NAA80: variants seen among roughly 807,000 people sequenced by gnomAD.
The protein encoded by NAA80 is N-alpha-acetyltransferase 80, NatH catalytic subunit.
Under a neutral mutation model 8.7 loss-of-function variants are expected in NAA80, and 5 were observed. That is an observed-to-expected ratio of 0.58 (90% CI 0.30 to 1.21). The LOEUF (loss-of-function observed/expected upper bound fraction) is 1.21. NAA80 is among the 50% of genes most tolerant of loss of function. The probability of loss-of-function intolerance (pLI) is 0.07; values close to 1 mark genes in which losing one functional copy is unlikely to be tolerated. For synonymous variants in NAA80, 149 were observed against 156.6 expected (o/e 0.95, Z 0.36); for missense variants, 360 against 368.6 (o/e 0.98, Z 0.19).
Position 50,297,275 on chromosome 3 carries a change from C to T in NAA80, c.189G>A (p.Glu63=). The change falls in exon 2 of 2, where the codon GAG becomes GAA. Residue 63 remains glutamate (E), a synonymous_variant. Coordinates refer to ENST00000443094, the MANE Select transcript of NAA80 (RefSeq NM_001200016.2). This position sits in a 1 kb window ranked among gnomAD's most constrained non-coding sequence, Gnocchi z 4.3. ...PAPSLAELTL[E]PVHRRPELLD... is the part of the protein sequence containing the mutation. ...GGAGCTCGGGTCGGCGGTGCACAGG[C>T]TCCAGGGTCAACTCAGCCAGGCTAG... 5 of 1,606,800 alleles carry T rather than the reference C, an allele frequency of 3.1e-6. No homozygotes were observed. Among genetic ancestry groups the T allele is most frequent in the Non-Finnish European group, 4.3e-6 (5 of 1,175,256 alleles).
rs782356090 is a variant in NAA80, at chr3:50,297,067, G to C, written c.397C>G (p.Pro133Ala). ...ACTGTCTCCACTAAGAGGCTCTGGG[G>C]CTGGTTCAGCACCCGTGACAGGCGG... ...HARLSRVLNQ[P>A]QSLLVETVVV... Residue 133 changes from proline to alanine, a missense_variant, in exon 2 of 2, where the codon CCC becomes GCC. Coordinates refer to ENST00000443094, the MANE Select transcript of NAA80 (RefSeq NM_001200016.2). This position sits in a 1 kb window ranked among gnomAD's most constrained non-coding sequence, Gnocchi z 4.3. 3.4e-5 allele frequency: 52 copies of C among 1,535,840 alleles called. No homozygotes were observed. Among genetic ancestry groups the C allele is most frequent in the Non-Finnish European group, 4.5e-5 (52 of 1,143,110 alleles).
At chr3:50,298,826 T>C in intron 1 of NAA80, 2 of 1,185,998 alleles carry the variant, frequency 1.7e-6, no homozygotes, top group Non-Finnish European at 2.1e-6. Context: ...CTCACCTGCA[T>C]CAGCCACCTC....
intron 1 of NAA80, 192 bp downstream of exon 1, chr3:50,299,021 T>C (rs1239628304): frequency 1.5e-5 from 23 of 1,505,686 alleles, no homozygotes; most frequent in Non-Finnish European, 1.8e-5. Context: ...CCCTCCCTCC[T>C]AGTGGGTCAC....
Position 50,296,897 on chromosome 3 carries a change from C to G in NAA80, c.567G>C (p.Gln189His). ...CCAGGCCCTGCACAGGCTCACCCAG[C>G]TGGTAGCCCAGGTGGGTATAGAAGT... ...QVHFYTHLGY[Q>H]LGEPVQGLVF... is the part of the protein sequence containing the mutation. Residue 189 changes from glutamine (Q) to histidine (H), a missense_variant, in exon 2 of 2, where the codon CAG (glutamine) becomes CAC (histidine). Transcript: ENST00000443094. 6.2e-7 allele frequency: 1 copy of G among 1,608,688 alleles called. No individual in the cohort carries two copies. Among genetic ancestry groups the G allele is most frequent in the Non-Finnish European group, 8.5e-7 (1 of 1,178,220 alleles).
At position 50,297,104 on chromosome 3, in the gene NAA80, C is replaced by T. The variant is rs782052987; in HGVS notation, c.360G>A (p.Val120=). ...PHPTLEAAPV[V]VGHARLSRVL... is the part of the protein sequence containing the mutation. ...CCCGTGACAGGCGGGCATGGCCCAC[C>T]ACAACGGGTGCTGCTTCAAGTGTGG... Residue 120 remains valine, a synonymous_variant, in exon 2 of 2, where the codon GTG becomes GTA. Transcript: ENST00000443094. The surrounding 1 kb of genome is among the most constrained non-coding windows in gnomAD (Gnocchi z 4.3). 3 of 1,551,866 alleles carry T rather than the reference C, an allele frequency of 1.9e-6. No individual in the cohort carries two copies. Among genetic ancestry groups the T allele is most frequent in the African/African-American group, 2.7e-5 (2 of 73,138 alleles).
chr3:50,297,733 G>A lies in NAA80; in HGVS notation c.-209-61C>T. ...GGAGGGTGGGGTTGGAGCAGGGAAGGGCTGACAGAGTGCAGGGGGGACCAT... is the reference window on the plus strand; with the variant it reads ...GGAGGGTGGGGTTGGAGCAGGGAAGAGCTGACAGAGTGCAGGGGGGACCAT... On this transcript the variant is annotated intron_variant, in intron 1 of 1. Transcript: ENST00000443094. This position sits in a 1 kb window ranked among gnomAD's most constrained non-coding sequence, Gnocchi z 4.3. 7.4e-7 allele frequency: 1 copy of A among 1,357,540 alleles called. No individual in the cohort carries two copies. Among genetic ancestry groups the A allele is most frequent in the Non-Finnish European group, 9.4e-7 (1 of 1,059,314 alleles). 84.1% of individuals were successfully genotyped at this position (1,357,540 alleles called of 1,614,324 possible). A position where few individuals can be genotyped will look rare whatever the true frequency, so the allele number is the denominator to read the frequency against.
chr3:50,299,374 A>C lies in NAA80; in HGVS notation c.-371T>G. On this transcript the variant is annotated 5_prime_UTR_variant, in exon 1 of 2. Coordinates refer to ENST00000443094, the MANE Select transcript of NAA80 (RefSeq NM_001200016.2). ...TCCTGCGGCACGCCACGGCGTTCTA[A>C]GGCCTCCCAGCACCCGCGCGTCGCC... The C allele has an allele frequency of 6.7e-7, 1 of 1,491,884 alleles. No homozygotes were observed. The highest frequency in any genetic ancestry group is 1.2e-5 in the South Asian group (1 of 83,546). 92.4% of individuals were successfully genotyped at this position (1,491,884 alleles called of 1,614,324 possible).
rs1480369420 is a variant in NAA80 at position 50,297,220 on chromosome 3, G to C, written c.244C>G (p.Gln82Glu). ...LDACADLIND[Q>E]WPRSRTSRLH... ...CGGGAGGTGCGGCTGCGGGGCCACT[G>C]ATCATTGATGAGGTCAGCACAAGCA... The change falls in exon 2 of 2, where the codon CAG (glutamine) becomes GAG (glutamate). Residue 82 changes from glutamine (Q) to glutamate (E), a missense_variant. By Grantham distance (29) the Gln-to-Glu change is conservative. Transcript: ENST00000443094. The surrounding 1 kb of genome is among the most constrained non-coding windows in gnomAD (Gnocchi z 4.3). The C allele has an allele frequency of 1.9e-5, 31 of 1,612,832 alleles. No individual in the cohort carries two copies. The highest frequency in any genetic ancestry group is 2.5e-5 in the Non-Finnish European group (29 of 1,179,380).
chr3:50,297,680 T>C lies in NAA80; in HGVS notation c.-209-8A>G, dbSNP rs2109293563. On this transcript the variant is annotated splice_polypyrimidine_tract_variant and splice_region_variant and intron_variant, in intron 1 of 1. Coordinates refer to ENST00000443094, the MANE Select transcript of NAA80 (RefSeq NM_001200016.2). This position sits in a 1 kb window ranked among gnomAD's most constrained non-coding sequence, Gnocchi z 4.3. ...ACCACAGTGGCTCTCCTCCTGTAGA[T>C]AACAGCCATGCTGGGCTGTGCCAGG... 7.2e-7 allele frequency: 1 copy of C among 1,384,844 alleles called. No individual in the cohort carries two copies. Among genetic ancestry groups the C allele is most frequent in the South Asian group, 1.7e-5 (1 of 58,470 alleles). 85.8% of individuals were successfully genotyped at this position (1,384,844 alleles called of 1,614,324 possible).
chr3:50,298,958 G>A, intron 1 of NAA80: 4 of 1,432,290 alleles, frequency 2.8e-6, no homozygotes, highest in Middle Eastern at 2.6e-4. Context: ...TGTGGGCGGG[G>A]CTCCGGGGTC....
chr3:50,299,358 A>AC lies in NAA80; in HGVS notation c.-356dup, dbSNP rs1468927084. 5 of 1,548,782 alleles carry AC rather than the reference A, an allele frequency of 3.2e-6. No homozygotes were observed. Among genetic ancestry groups the AC allele is most frequent in the Non-Finnish European group, 3.5e-6 (4 of 1,148,730 alleles). On this transcript the variant is annotated 5_prime_UTR_variant, in exon 1 of 2. Coordinates refer to ENST00000443094, the MANE Select transcript of NAA80 (RefSeq NM_001200016.2). ...TTCTGCAGCCGTCGCGTCCTGCGGC[A>AC]CGCCACGGCGTTCTAAGGCCTCCCA...
chr3:50,298,084 C>G (rs956129318), intron 1 of NAA80: 106 of 985,414 alleles, frequency 1.1e-4, no homozygotes, highest in Non-Finnish European at 1.2e-4. Flanking sequence ...TAGTCCACCA[C>G]TAGGGCATGG....
Position 50,297,322 on chromosome 3 carries a change from G to C in NAA80, c.142C>G (p.Gln48Glu), listed in dbSNP as rs782524481. 5 of 1,607,508 alleles carry C rather than the reference G, an allele frequency of 3.1e-6. No homozygotes were observed. The East Asian group carries it at 8.9e-5, about 29-fold the overall frequency. The change falls in exon 2 of 2, where the codon CAG becomes GAG. Residue 48 changes from glutamine to glutamate, a missense_variant. Gln to Glu is a conservative substitution (Grantham distance 29). Transcript: ENST00000443094. This position sits in a 1 kb window ranked among gnomAD's most constrained non-coding sequence, Gnocchi z 4.3. ...CTAGGAGCTGGGGTCTCCTCTGGCT[G>C]GTGTTCAGGATCCAGGGTAAGCTCA... ...PTELTLDPEH[Q>E]PEETPAPSLA... is the part of the protein sequence containing the mutation.
In NAA80 at chr3:50,296,736, G is replaced by A; in HGVS notation, c.728C>T (p.Pro243Leu). ...PRGPKGPPLPPPPPLPECLTI... is the reference protein window; with the variant it reads ...PRGPKGPPLPLPPPLPECLTI... ...CAGGCACTCAGGTAGGGGAGGGGGT[G>A]GTGGCAATGGAGGTCCCTTGGGACC... Residue 243 changes from proline (P) to leucine (L), a missense_variant, in exon 2 of 2, where the codon CCA becomes CTA. Physicochemically the swap from Pro to Leu is moderately conservative, Grantham distance 98 (BLOSUM62 -3). Coordinates refer to ENST00000443094, the MANE Select transcript of NAA80 (RefSeq NM_001200016.2). The A allele has an allele frequency of 6.2e-7, 1 of 1,611,202 alleles. No homozygotes were observed. The highest frequency in any genetic ancestry group is 1.1e-5 in the South Asian group (1 of 90,804).
At position 50,296,713 on chromosome 3, in the gene NAA80, G is replaced by C. The variant is rs782212075; in HGVS notation, c.751C>G (p.Leu251Val). The change falls in exon 2 of 2, where the codon CTG becomes GTG. Residue 251 changes from leucine (L) to valine (V), a missense_variant. Coordinates refer to ENST00000443094, the MANE Select transcript of NAA80 (RefSeq NM_001200016.2). ...LPPPPPLPEC[L>V]TISPPVPSGP... is the part of the protein sequence containing the mutation. The stretch of plus-strand genomic sequence containing the variant: ...GATGGAACTGGGGGTGAGATGGTCA[G>C]GCACTCAGGTAGGGGAGGGGGTGGT... 6.2e-7 allele frequency: 1 copy of C among 1,613,558 alleles called. No individual in the cohort carries two copies. Among genetic ancestry groups the C allele is most frequent in the Admixed American group, 1.7e-5 (1 of 59,980 alleles).
rs939834000 is a variant in NAA80, at chr3:50,298,226, C to T, written c.-209-554G>A. The stretch of plus-strand genomic sequence containing the variant: ...GTTCCGAGTCTCCTCCAGCTCCCAG[C>T]CTTTTCAACTACCTGGGCTATGCCC... On this transcript the variant is annotated intron_variant, in intron 1 of 1. Transcript: ENST00000443094. 9 of 563,264 alleles carry T rather than the reference C, an allele frequency of 1.6e-5. No individual in the cohort carries two copies. In the African/African-American group the frequency reaches 1.8e-4, roughly 12 times the overall value. 34.9% of individuals were successfully genotyped at this position (563,264 alleles called of 1,614,324 possible).
intron 1 of NAA80, chr3:50,298,169 C>T (rs1205999441): frequency 9.2e-6 from 8 of 871,990 alleles, no homozygotes; most frequent in African/African-American, 5.5e-5. Flanking sequence ...AAAAACTGCC[C>T]GGGAGTCTTC....
Position 50,297,132 on chromosome 3 carries a change from TG to T in NAA80, c.331del (p.His111ThrfsTer20). 1 of 1,568,738 alleles carries T rather than the reference TG, an allele frequency of 6.4e-7. No individual in the cohort carries two copies. ...FPLCLMLLSPHPTLEAAPVVV... is the reference protein window; with the variant it reads ...FPLCLMLLSPXPTLEAAPVVV... ...AACGGGTGCTGCTTCAAGTGTGGGG[TG>T]GGGGCTTAGCAGCATCAGGCAGAGG... On this transcript the variant is annotated frameshift_variant, in exon 2 of 2. Transcript: ENST00000443094. LOFTEE classifies it high-confidence loss of function. This position sits in a 1 kb window ranked among gnomAD's most constrained non-coding sequence, Gnocchi z 4.3.
chr3:50,298,340 T>C (rs1014362905), intron 1 of NAA80, among the ~76,000 whole-genome samples: 1 of 152,084 alleles, frequency 6.6e-6, no homozygotes, highest in South Asian at 2.1e-4. Flanking sequence ...CTGGAGCCCA[T>C]GGCCCCCTTC....
Sources: allele counts gnomAD v4.1 joint callset (sites outside exome capture counted in the v4.1 genomes callset), GRCh38; gene constraint gnomAD v4.1.1; non-coding constraint Gnocchi (gnomAD v3.1); transcripts MANE v1.5; gene names NCBI Gene and HGNC (gene_info 2026-07-23, HGNC 2026-07-21).